Variants in SLC8A1 observed in about 807,000 individuals in gnomAD.
The protein encoded by SLC8A1 is sodium/calcium exchanger 1.
Under a neutral mutation model 68.3 loss-of-function variants are expected in SLC8A1, and 18 were observed. That is an observed-to-expected ratio of 0.26 (90% CI 0.18 to 0.39). The LOEUF (loss-of-function observed/expected upper bound fraction) is 0.39. Among genes scored for constraint, SLC8A1 ranks in the 10% least tolerant of loss-of-function variants. The probability of loss-of-function intolerance (pLI) is 1.00; values close to 1 mark genes in which losing one functional copy is unlikely to be tolerated. For missense variants in SLC8A1, 985 were observed against 1,156.7 expected, an observed-to-expected ratio of 0.85 and a Z score of 2.15; for synonymous variants, 475 against 415.5, an observed-to-expected ratio of 1.14 and a Z score of -1.74.
chr2:40,212,524 G>A (rs1375259115), intron 2 of SLC8A1, among the ~76,000 whole-genome samples: 2 of 151,944 alleles, frequency 1.3e-5, no homozygotes, highest in Admixed American at 6.6e-5. Flanking sequence ...ACCTTGCAAC[G>A]TGTCTGTGTG....
At chr2:40,313,472 A>T (rs2074017550) in intron 2 of SLC8A1, among the ~76,000 whole-genome samples, 1 of 152,008 alleles carries the variant, frequency 6.6e-6, no homozygotes, top group South Asian at 2.1e-4. Context: ...TTTAACTTTT[A>T]AAAAAACGGT....
At chr2:40,149,672 A>G (rs1295090038) in intron 6 of SLC8A1, among the ~76,000 whole-genome samples, 1 of 152,154 alleles carries the variant, frequency 6.6e-6, no homozygotes, top group Non-Finnish European at 1.5e-5. Context: ...GGGAATCCCA[A>G]CTTCAATTTC....
intron 1 of SLC8A1, among the ~76,000 whole-genome samples, chr2:40,472,601 G>T (rs981575500): frequency 3.9e-5 from 6 of 152,206 alleles, no homozygotes; most frequent in Admixed American, 1.3e-4. Flanking sequence ...CTCCTTGCTT[G>T]AAGTAGTCCT....
chr2:40,297,538 A>C (rs990988168), intron 2 of SLC8A1, among the ~76,000 whole-genome samples: 7 of 152,206 alleles, frequency 4.6e-5, no homozygotes, highest in Non-Finnish European at 1.0e-4. Context: ...TTTTCAGTAC[A>C]TCAATACATC....
chr2:40,337,246 T>C, intron 2 of SLC8A1: 1 of 290,650 alleles, frequency 3.4e-6, no homozygotes, highest in Non-Finnish European at 7.6e-6. Flanking sequence ...GGTATTTTGA[T>C]ATTTATACAT....
intron 7 of SLC8A1, among the ~76,000 whole-genome samples, chr2:40,138,284 A>T (rs951216864): frequency 1.3e-5 from 2 of 152,208 alleles, no homozygotes; most frequent in Non-Finnish European, 2.9e-5. Context: ...TTGTTTTCAG[A>T]CTCAAACCAA....
At chr2:40,308,185 G>A (rs1363179217) in intron 2 of SLC8A1, among the ~76,000 whole-genome samples, 1 of 152,098 alleles carries the variant, frequency 6.6e-6, no homozygotes, top group Non-Finnish European at 1.5e-5. Context: ...GCTAATTTCT[G>A]AGGAGAAGGT....
chr2:40,464,459 G>A (rs2149896689), intron 1 of SLC8A1, among the ~76,000 whole-genome samples: 1 of 152,332 alleles, frequency 6.6e-6, no homozygotes, highest in Middle Eastern at 3.4e-3. Flanking sequence ...AGTTGTGAAG[G>A]AGAGGACCCA....
chr2:40,128,705 AGG>A (rs2038686163), intron 7 of SLC8A1, among the ~76,000 whole-genome samples: 1 of 152,224 alleles, frequency 6.6e-6, no homozygotes, highest in Non-Finnish European at 1.5e-5. Context: ...TGTTGGGGGC[AGG>A]GTAGTGGAAT....
At chr2:40,154,831 AT>A (rs2044168335) in intron 6 of SLC8A1, among the ~76,000 whole-genome samples, 1 of 150,716 alleles carries the variant, frequency 6.6e-6, no homozygotes, top group Non-Finnish European at 1.5e-5. Context: ...CACCCGGCTA[AT>A]TTTTTATTTT....
rs1379268370 is a variant in SLC8A1, at chr2:40,332,327, G to A, written c.1808+96146C>T. Among the ~76,000 whole-genome samples the A allele has an allele frequency of 7.3e-5, 11 of 150,570 alleles. No individual in the cohort carries two copies. The Admixed American group carries it at 7.4e-4, about 10-fold the overall frequency. On this transcript the variant is annotated intron_variant, in intron 2 of 7. Transcript: ENST00000406785. ...TTTTCATTAAGTGGCTTTGAACTTT[G>A]AGACTGCAAGTCCTGACTCTGGATT...
intron 1 of SLC8A1, among the ~76,000 whole-genome samples, chr2:40,447,522 G>A (rs1282429028): frequency 6.8e-6 from 1 of 147,624 alleles, no homozygotes; most frequent in African/African-American, 2.5e-5. Flanking sequence ...CACATTCTCT[G>A]TATTTTCCTG....
chr2:40,380,101 G>A (rs1458966545), intron 2 of SLC8A1, among the ~76,000 whole-genome samples: 1 of 152,112 alleles, frequency 6.6e-6, no homozygotes, highest in Non-Finnish European at 1.5e-5. Context: ...CTTGATCAGT[G>A]CTTTGTAGTT....
chr2:40,344,242 C>T (rs1243793579), intron 2 of SLC8A1, among the ~76,000 whole-genome samples: 1 of 152,156 alleles, frequency 6.6e-6, no homozygotes, highest in African/African-American at 2.4e-5. Context: ...CTCCTTTCTC[C>T]TGAGACAATG....
intron 6 of SLC8A1, among the ~76,000 whole-genome samples, chr2:40,157,438 A>C (rs1039689894): frequency 6.6e-6 from 1 of 152,146 alleles, no homozygotes; most frequent in Admixed American, 6.5e-5. Context: ...CAGCCTTGCA[A>C]TCATTCTCTC....
intron 2 of SLC8A1, among the ~76,000 whole-genome samples, chr2:40,288,819 T>C (rs918234611): frequency 7.1e-6 from 1 of 141,464 alleles, no homozygotes; most frequent in African/African-American, 3.1e-5. Flanking sequence ...TTCGAAAATG[T>C]CTCTACTAAG....
intron 2 of SLC8A1, among the ~76,000 whole-genome samples, chr2:40,383,400 C>T (rs1682544372): frequency 6.6e-6 from 1 of 152,042 alleles, no homozygotes; most frequent in South Asian, 2.1e-4. Flanking sequence ...ACATTTGACA[C>T]AGGAACCATC....
chr2:40,471,435 G>T (rs1024168699), intron 1 of SLC8A1, among the ~76,000 whole-genome samples: 1 of 151,996 alleles, frequency 6.6e-6, no homozygotes. Flanking sequence ...TGGAATAGAT[G>T]ACCTCATCCA....
intron 1 of SLC8A1, among the ~76,000 whole-genome samples, chr2:40,483,929 G>A (rs1236383892): frequency 6.6e-6 from 1 of 152,176 alleles, no homozygotes; most frequent in African/African-American, 2.4e-5. Context: ...GAGAGAGACA[G>A]AACACTATCT....
Sources: allele counts gnomAD v4.1 joint callset (sites outside exome capture counted in the v4.1 genomes callset), GRCh38; gene constraint gnomAD v4.1.1; transcripts MANE v1.5; gene names NCBI Gene and HGNC (gene_info 2026-07-23, HGNC 2026-07-21).